NBEA: variants seen among roughly 807,000 people sequenced by gnomAD.
The protein encoded by NBEA is neurobeachin.
A neutral mutation model predicts 343.4 loss-of-function variants in NBEA; 44 were observed. The observed-to-expected ratio is 0.13, with a 90% CI of 0.10 to 0.16. The LOEUF is 0.16. Ranked by LOEUF, NBEA falls within the 10% of genes least tolerant of loss-of-function variation. NBEA has a pLI of 1.00. For missense variants in NBEA, 2,555 were observed against 3,631.3 expected (o/e 0.70, Z 7.62); for synonymous variants, 1,175 against 1,238.7 (o/e 0.95, Z 1.08).
Position 35,649,748 on chromosome 13 carries a change from C to T in NBEA, c.7864C>T (p.His2622Tyr). 1 of 1,613,944 alleles carries T rather than the reference C, an allele frequency of 6.2e-7. No homozygotes were observed. The highest frequency in any genetic ancestry group is 8.5e-7 in the Non-Finnish European group (1 of 1,179,848). Residue 2622 changes from histidine (H) to tyrosine (Y), a missense_variant, in exon 52 of 59, where the codon CAT (histidine) becomes TAT (tyrosine). By Grantham distance (83) the His-to-Tyr change is moderately conservative. Coordinates refer to ENST00000379939, the MANE Select transcript of NBEA (RefSeq NM_001385012.1). ...LKFPSNSPVT[H>Y]VAANTLPHLT... is the part of the protein sequence containing the mutation. Reference sequence around the variant, plus strand: ...GTTTCCTTCAAATTCTCCAGTAACCCATGTGGCAGCCAACACTCTGCCCCA... The same window carrying T: ...GTTTCCTTCAAATTCTCCAGTAACCTATGTGGCAGCCAACACTCTGCCCCA...
At chr13:35,310,068 A>G (rs1045984315) in intron 36 of NBEA, among the ~76,000 whole-genome samples, 3 of 152,048 alleles carry the variant, frequency 2.0e-5, no homozygotes, top group African/African-American at 7.2e-5. Flanking sequence ...TGTATATTCT[A>G]TTATTTTTTT....
intron 34 of NBEA, among the ~76,000 whole-genome samples, chr13:35,273,701 A>T (rs1214528098): frequency 6.6e-6 from 1 of 152,172 alleles, no homozygotes; most frequent in African/African-American, 2.4e-5. Flanking sequence ...GTTCCTGCAG[A>T]AATACAAACT....
intron 26 of NBEA, among the ~76,000 whole-genome samples, chr13:35,172,097 A>G (rs2070505284): frequency 6.6e-6 from 1 of 152,022 alleles, no homozygotes; most frequent in Non-Finnish European, 1.5e-5. Context: ...CTTGCCTTAG[A>G]TCATGAGCAG....
intron 40 of NBEA, among the ~76,000 whole-genome samples, chr13:35,455,336 A>C (rs1308716257): frequency 6.6e-6 from 1 of 151,936 alleles, no homozygotes; most frequent in Non-Finnish European, 1.5e-5. Context: ...AGAAAGTACT[A>C]ATTTAGTTAA....
At chr13:35,202,942 TA>T in intron 31 of NBEA, among the ~76,000 whole-genome samples, 2 of 152,290 alleles carry the variant, frequency 1.3e-5, no homozygotes, top group Middle Eastern at 3.4e-3. Flanking sequence ...AGTTCTTATT[TA>T]AATCTTATTT....
At chr13:35,559,517 G>T (rs2079750963) in intron 44 of NBEA, among the ~76,000 whole-genome samples, 1 of 152,024 alleles carries the variant, frequency 6.6e-6, no homozygotes, top group Admixed American at 6.6e-5. Context: ...CCAAGACATG[G>T]TTGGCTTATA....
chr13:35,107,239 C>A (rs556489731), intron 11 of NBEA, among the ~76,000 whole-genome samples: 1 of 151,406 alleles, frequency 6.6e-6, no homozygotes, highest in Admixed American at 6.6e-5. Flanking sequence ...TATGATTACC[C>A]GATCTTTACT....
chr13:35,053,000 G>A (rs1216662691), intron 6 of NBEA, among the ~76,000 whole-genome samples: 1 of 151,976 alleles, frequency 6.6e-6, no homozygotes, highest in East Asian at 1.9e-4. Flanking sequence ...CTTCCTATCA[G>A]TTCTGTTAGT....
intron 58 of NBEA, 88 bp downstream of exon 58, chr13:35,668,607 G>A: frequency 4.8e-6 from 6 of 1,245,104 alleles, no homozygotes; most frequent in Non-Finnish European, 6.4e-6. Flanking sequence ...TGCTGTGAGT[G>A]CAATTCCAGC....
chr13:35,422,974 C>T (rs1001145641), intron 38 of NBEA, among the ~76,000 whole-genome samples: 12 of 152,194 alleles, frequency 7.9e-5, no homozygotes, highest in East Asian at 1.9e-4. Flanking sequence ...TCATATCCTT[C>T]GCCCATTTGT....
intron 41 of NBEA, among the ~76,000 whole-genome samples, chr13:35,490,165 A>T (rs2076451035): frequency 6.6e-6 from 1 of 151,976 alleles, no homozygotes; most frequent in Admixed American, 6.6e-5. Flanking sequence ...AAAGAAGGCT[A>T]TAACTTTATT....
At chr13:35,640,118 A>G (rs944946184) in intron 49 of NBEA, among the ~76,000 whole-genome samples, 12 of 152,216 alleles carry the variant, frequency 7.9e-5, no homozygotes, top group African/African-American at 2.9e-4. Context: ...TGGTTGCCAC[A>G]TTTAATTTTA....
chr13:34,979,643 A>G (rs2060292174), intron 1 of NBEA, among the ~76,000 whole-genome samples: 1 of 152,186 alleles, frequency 6.6e-6, no homozygotes, highest in Non-Finnish European at 1.5e-5. Context: ...AGTCAGATGT[A>G]TGTTTTTTGG....
At chr13:35,526,248 A>G (rs2077969884) in intron 41 of NBEA, among the ~76,000 whole-genome samples, 2 of 152,232 alleles carry the variant, frequency 1.3e-5, no homozygotes, top group Non-Finnish European at 2.9e-5. Context: ...AAACGGTCCA[A>G]TCAGTAGAAA....
At chr13:34,987,514 G>T (rs1285194356) in intron 1 of NBEA, among the ~76,000 whole-genome samples, 1 of 150,718 alleles carries the variant, frequency 6.6e-6, no homozygotes, top group African/African-American at 2.4e-5. Context: ...GGTGTTCTTT[G>T]TGTTTCCTGA....
At position 35,628,252 on chromosome 13, in the gene NBEA, G is replaced by A. The variant is rs1362006741; in HGVS notation, c.7617+4G>A. Reference sequence around the variant, plus strand: ...CACTGATCCTGTGCTCAGGGAGGTAGGTGTTAAATCCCATATTATTCCAAA... The same window carrying A: ...CACTGATCCTGTGCTCAGGGAGGTAAGTGTTAAATCCCATATTATTCCAAA... On this transcript the variant is annotated splice_donor_region_variant and intron_variant, in intron 49 of 58. Coordinates refer to ENST00000379939, the MANE Select transcript of NBEA (RefSeq NM_001385012.1). The A allele has an allele frequency of 6.3e-7, 1 of 1,586,800 alleles. No homozygotes were observed. The highest frequency in any genetic ancestry group is 1.8e-5 in the Admixed American group (1 of 55,428).
chr13:35,289,553 A>G (rs1357199080), intron 34 of NBEA, among the ~76,000 whole-genome samples: 1 of 151,880 alleles, frequency 6.6e-6, no homozygotes, highest in African/African-American at 2.4e-5. Context: ...TTTAATTGGA[A>G]AAAATCTTGA....
chr13:35,620,673 T>C (rs995667788), intron 48 of NBEA, among the ~76,000 whole-genome samples: 25 of 152,188 alleles, frequency 1.6e-4, no homozygotes, highest in African/African-American at 5.8e-4. Flanking sequence ...GTGTTGGGAA[T>C]GAATGATTCT....
chr13:35,410,972 C>T (rs1334119632), intron 38 of NBEA, among the ~76,000 whole-genome samples: 2 of 152,140 alleles, frequency 1.3e-5, no homozygotes, highest in Non-Finnish European at 2.9e-5. Flanking sequence ...CAGATATTAT[C>T]GTTCTTTGGT....
Sources: allele counts gnomAD v4.1 joint callset (sites outside exome capture counted in the v4.1 genomes callset), GRCh38; gene constraint gnomAD v4.1.1; transcripts MANE v1.5; gene names NCBI Gene and HGNC (gene_info 2026-07-23, HGNC 2026-07-21).